FAM47E: variants seen among roughly 807,000 people sequenced by gnomAD.
FAM47E encodes the protein family with sequence similarity 47 member E, also known as protein FAM47E.
FAM47E carries 32 observed loss-of-function variants against 41.6 expected under a neutral mutation model. The ratio of observed to expected loss-of-function variants is 0.77; its 90% CI spans 0.58 to 1.03. FAM47E has a LOEUF of 1.03. FAM47E is among the 50% of genes least tolerant of loss of function. FAM47E has a pLI of 0.00. For synonymous variants in FAM47E, 184 were observed against 188.7 expected (o/e 0.98, Z 0.20); for missense variants, 424 against 485.4 (o/e 0.87, Z 1.19).
rs191735321 is a variant in FAM47E, at chr4:76,254,684, G to C, written c.75-1494G>C. ...ATGGGTGTAGCAAGGATTAGATTTG[G>C]TGTAAAAAGACATTATAGATAAAAG... On this transcript the variant is annotated intron_variant, in intron 1 of 7. Transcript: ENST00000424749. 2.3e-3 allele frequency among the ~76,000 whole-genome samples: 355 copies of C among 152,266 alleles called. 1 individual carries two copies. The highest frequency in any genetic ancestry group is 4.2e-3 in the Non-Finnish European group (285 of 68,028).
intron 5 of FAM47E, among the ~76,000 whole-genome samples, chr4:76,273,038 A>T (rs1734956672): frequency 6.6e-6 from 1 of 152,156 alleles, no homozygotes; most frequent in Non-Finnish European, 1.5e-5. Flanking sequence ...GTTATCTGTT[A>T]CCTGTAGGGG....
chr4:76,233,929 G>A (rs1046751204), intron 2 of FAM47E, among the ~76,000 whole-genome samples: 1 of 152,220 alleles, frequency 6.6e-6, no homozygotes, highest in African/African-American at 2.4e-5. Context: ...TACTGATGGG[G>A]TGAAGAAGAG....
intron 2 of FAM47E, among the ~76,000 whole-genome samples, chr4:76,263,279 G>A (rs906207025): frequency 2.6e-4 from 40 of 152,156 alleles, no homozygotes; most frequent in Admixed American, 2.6e-3. Flanking sequence ...GTTTATGCTT[G>A]CAAAACTATG....
intron 2 of FAM47E, among the ~76,000 whole-genome samples, chr4:76,238,183 T>A (rs554495718): frequency 6.6e-6 from 1 of 152,196 alleles, no homozygotes; most frequent in Admixed American, 6.5e-5. Flanking sequence ...GGTCTCTTCC[T>A]GCCAAGACTC....
At chr4:76,266,821 C>T (rs747158269) in intron 3 of FAM47E, among the ~76,000 whole-genome samples, 4 of 152,192 alleles carry the variant, frequency 2.6e-5, no homozygotes, top group East Asian at 1.9e-4. Flanking sequence ...CTCCGCTCCA[C>T]GGGACTTTGT....
intron 2 of FAM47E, among the ~76,000 whole-genome samples, chr4:76,226,326 G>A (rs994144697): frequency 1.3e-5 from 2 of 152,196 alleles, no homozygotes; most frequent in Admixed American, 6.5e-5. Flanking sequence ...ATCAAGTGTA[G>A]CTGTCACAGT....
intron 2 of FAM47E, among the ~76,000 whole-genome samples, chr4:76,229,327 A>G (rs1363650981): frequency 1.3e-5 from 2 of 152,112 alleles, no homozygotes; most frequent in African/African-American, 4.8e-5. Context: ...CAACCTTCTG[A>G]ATTCTTCATG....
intron 5 of FAM47E, among the ~76,000 whole-genome samples, chr4:76,277,210 C>T (rs6810903): frequency 0.18 from 26,986 of 152,092 alleles, 2,576 homozygotes; most frequent in Middle Eastern, 0.25. Flanking sequence ...CTTGGCTGGG[C>T]GCAGTGGCTC....
At position 76,268,748 on chromosome 4, in the gene FAM47E, C is replaced by T. The variant is rs61741257; in HGVS notation, c.649C>T (p.Arg217Cys). 3.2e-4 allele frequency: 502 copies of T among 1,551,438 alleles called. 1 individual carries two copies. The African/African-American group carries it at 6.0e-3, about 19-fold the overall frequency. Residue 217 changes from arginine (R) to cysteine (C), a missense_variant, in exon 4 of 8, where the codon CGT becomes TGT. Physicochemically the swap from Arg to Cys is radical, Grantham distance 180 (BLOSUM62 -3). Coordinates refer to ENST00000424749, the MANE Select transcript of FAM47E (RefSeq NM_001136570.3). ...KMDLLHENGPRPGLHENGISD... is the reference protein window; with the variant it reads ...KMDLLHENGPCPGLHENGISD... ...GGATTTGCTCCATGAAAATGGTCCT[C>T]GTCCTGGTCTTCATGAAAATGTATG...
chr4:76,220,245 G>A (rs1348138205), intron 2 of FAM47E, among the ~76,000 whole-genome samples: 1 of 152,128 alleles, frequency 6.6e-6, no homozygotes, highest in Non-Finnish European at 1.5e-5. Context: ...TAGTCAAAAG[G>A]TGGAACCGAC....
At position 76,282,062 on chromosome 4, in the gene FAM47E, A is replaced by C. The variant is rs918894499; in HGVS notation, c.1105-1319A>C. The stretch of plus-strand genomic sequence containing the variant: ...TAACATTTGTATGTAGAAGTACAGT[A>C]CATTTGTATGTAGAAGTACAGTGTA... On this transcript the variant is annotated intron_variant, in intron 7 of 7. Transcript: ENST00000424749. 5.2e-5 allele frequency: 3 copies of C among 57,568 alleles called. No homozygotes were observed. The South Asian group carries it at 1.1e-3, about 21-fold the overall frequency. 3.6% of individuals were successfully genotyped at this position (57,568 alleles called of 1,614,324 possible).
intron 2 of FAM47E, among the ~76,000 whole-genome samples, chr4:76,257,319 T>G (rs911192224): frequency 6.6e-6 from 1 of 152,106 alleles, no homozygotes; most frequent in Admixed American, 6.5e-5. Flanking sequence ...CAGGTTCTAT[T>G]AGATTTAAAG....
intron 2 of FAM47E, among the ~76,000 whole-genome samples, chr4:76,236,964 C>T (rs1458521482): frequency 1.3e-4 from 19 of 149,386 alleles, no homozygotes; most frequent in African/African-American, 4.0e-4. Flanking sequence ...GGCATGATCT[C>T]GGCTCACTGC....
chr4:76,277,043 G>C (rs1241692605), intron 5 of FAM47E, among the ~76,000 whole-genome samples: 1 of 152,168 alleles, frequency 6.6e-6, no homozygotes, highest in Non-Finnish European at 1.5e-5. Context: ...ACTCCCTTTT[G>C]TGGTGAGACA....
intron 1 of FAM47E, among the ~76,000 whole-genome samples, chr4:76,252,724 A>C (rs1357154394): frequency 6.6e-6 from 1 of 152,262 alleles, no homozygotes; most frequent in East Asian, 1.9e-4. Flanking sequence ...TCTCCCCCCC[A>C]TTTAAAAATT....
intron 2 of FAM47E, among the ~76,000 whole-genome samples, chr4:76,228,065 A>G (rs887309943): frequency 1.6e-4 from 24 of 147,540 alleles, no homozygotes; most frequent in Non-Finnish European, 3.4e-4. Context: ...TTTTTTATTC[A>G]TTGTGCTAGT....
At position 76,220,252 on chromosome 4, in the gene FAM47E, C is replaced by T. The variant is rs143202897; in HGVS notation, c.81+2564C>T. Among the ~76,000 whole-genome samples the T allele has an allele frequency of 2.2e-4, 33 of 152,226 alleles. No individual in the cohort carries two copies. In the East Asian group the frequency reaches 3.1e-3, roughly 14 times the overall value. ...GTTCACAATAGTCAAAAGGTGGAACCGACCCAAATGTCATCAGACAATAAT... is the reference window on the plus strand; with the variant it reads ...GTTCACAATAGTCAAAAGGTGGAACTGACCCAAATGTCATCAGACAATAAT... On this transcript the variant is annotated intron_variant, in intron 2 of 7. Coordinates refer to the FAM47E transcript ENST00000510197.
At chr4:76,255,180 G>A (rs954318172) in intron 1 of FAM47E, among the ~76,000 whole-genome samples, 7 of 152,238 alleles carry the variant, frequency 4.6e-5, no homozygotes, top group Admixed American at 4.6e-4. Context: ...GAGTGATTAA[G>A]CACCTTTTTC....
intron 3 of FAM47E, 150 bp downstream of exon 3, chr4:76,263,993 C>T (rs540640007): frequency 2.6e-5 from 31 of 1,212,646 alleles, no homozygotes; most frequent in South Asian, 2.0e-4. Context: ...TCCTAGGTAC[C>T]GCTCTAAATA....
Sources: allele counts gnomAD v4.1 joint callset (sites outside exome capture counted in the v4.1 genomes callset), GRCh38; gene constraint gnomAD v4.1.1; transcripts MANE v1.5; gene names NCBI Gene and HGNC (gene_info 2026-07-23, HGNC 2026-07-21).